CFAP53: variants seen among roughly 807,000 people sequenced by gnomAD.
The protein encoded by CFAP53 is cilia and flagella associated protein 53.
Under a neutral mutation model 59.7 loss-of-function variants are expected in CFAP53, and 62 were observed. The ratio of observed to expected loss-of-function variants is 1.04; its 90% CI spans 0.85 to 1.28. The LOEUF is 1.28. Among genes scored for constraint, CFAP53 ranks in the 50% most tolerant of loss-of-function variants. CFAP53 has a pLI of 0.00. For missense variants in CFAP53, 629 were observed against 615.6 expected (o/e 1.02, Z -0.23); for synonymous variants, 218 against 205.7 (o/e 1.06, Z -0.51).
chr18:50,263,303 C>T (rs369574021), intron 1 of CFAP53, among the ~76,000 whole-genome samples: 1 of 152,194 alleles, frequency 6.6e-6, no homozygotes, highest in South Asian at 2.1e-4. Context: ...AGAAACAAAA[C>T]TCTTAAGAGA....
intron 6 of CFAP53, among the ~76,000 whole-genome samples, chr18:50,242,138 C>A (rs1411475845): frequency 6.6e-6 from 1 of 152,176 alleles, no homozygotes; most frequent in Non-Finnish European, 1.5e-5. Context: ...GGCAGTCAGA[C>A]CTTATGGTTA....
chr18:50,239,424 A>C (rs898536599), intron 6 of CFAP53, among the ~76,000 whole-genome samples: 1 of 152,224 alleles, frequency 6.6e-6, no homozygotes, highest in Admixed American at 6.5e-5. Context: ...TAGAAAAAAA[A>C]GACAAAGGAA....
chr18:50,261,222 T>C lies in CFAP53; in HGVS notation c.315A>G (p.Leu105=), dbSNP rs915172387. The C allele has an allele frequency of 4.7e-6, 6 of 1,288,632 alleles. No homozygotes were observed. Among genetic ancestry groups the C allele is most frequent in the South Asian group, 3.7e-5 (2 of 54,238 alleles). 79.8% of individuals were successfully genotyped at this position (1,288,632 alleles called of 1,614,324 possible). The change falls in exon 3 of 8, where the codon TTA becomes TTG. Residue 105 remains leucine, a synonymous_variant. Coordinates refer to ENST00000398545, the MANE Select transcript of CFAP53 (RefSeq NM_145020.5). The part of the protein sequence containing the change: ...EERRNKLREL[L]ALEENEYFTE... ...TAAAATACTCATTTTCTTCTAATGC[T>C]AAAAGCTCACGTAGCCTGAAACAAA...
At chr18:50,245,381 T>A (rs1432602279) in intron 5 of CFAP53, among the ~76,000 whole-genome samples, 11 of 78,076 alleles carry the variant, frequency 1.4e-4, no homozygotes, top group Non-Finnish European at 2.1e-4. Flanking sequence ...AGAGCGAGAC[T>A]CCGTCTCAAA....
chr18:50,244,890 G>A (rs577575263), intron 5 of CFAP53, among the ~76,000 whole-genome samples: 61 of 151,520 alleles, frequency 4.0e-4, no homozygotes, highest in African/African-American at 1.4e-3. Context: ...GTAAAACCCC[G>A]TCTCTACTAA....
intron 6 of CFAP53, among the ~76,000 whole-genome samples, chr18:50,240,635 T>TTTCCTCGTGGCACTGATTGTCTATTTC (rs1692522557): frequency 6.6e-6 from 1 of 152,226 alleles, no homozygotes; most frequent in South Asian, 2.1e-4. Flanking sequence ...TGTGCTGACT[T>TTTCCTCGTGGCACTGATTGTCTATTTC]TTCCTCGTGG....
At chr18:50,247,061 T>A (rs965380358) in intron 5 of CFAP53, among the ~76,000 whole-genome samples, 3 of 150,842 alleles carry the variant, frequency 2.0e-5, no homozygotes, top group Non-Finnish European at 4.4e-5. Flanking sequence ...AAAAAAGAAC[T>A]CTTACAATTC....
intron 7 of CFAP53, among the ~76,000 whole-genome samples, chr18:50,237,469 G>A (rs1050105678): frequency 6.7e-6 from 1 of 149,046 alleles, no homozygotes; most frequent in Non-Finnish European, 1.5e-5. Context: ...CAGAACGGTA[G>A]GCCAGATGTT....
At chr18:50,238,887 T>C (rs1490164818) in intron 6 of CFAP53, among the ~76,000 whole-genome samples, 182 bp from the exon 7 acceptor site, 3 of 152,120 alleles carry the variant, frequency 2.0e-5, no homozygotes, top group Non-Finnish European at 4.4e-5. Flanking sequence ...TAGGCTCATA[T>C]ATGCTACAAT....
chr18:50,236,137 C>T (rs1383037648), intron 7 of CFAP53, among the ~76,000 whole-genome samples: 1 of 152,116 alleles, frequency 6.6e-6, no homozygotes, highest in Non-Finnish European at 1.5e-5. Context: ...CATCAAACAC[C>T]TCGGCTGACA....
intron 1 of CFAP53, among the ~76,000 whole-genome samples, chr18:50,263,290 C>T (rs1485049912): frequency 6.6e-6 from 1 of 152,118 alleles, no homozygotes; most frequent in Non-Finnish European, 1.5e-5. Context: ...GGTGCTGATT[C>T]ACAGAAACAA....
At chr18:50,265,593 G>T (rs1378817014) in intron 1 of CFAP53, among the ~76,000 whole-genome samples, 1 of 152,160 alleles carries the variant, frequency 6.6e-6, no homozygotes, top group Non-Finnish European at 1.5e-5. Context: ...ACAATACTGC[G>T]CACACAGCAG....
At chr18:50,236,067 C>T (rs891706759) in intron 7 of CFAP53, among the ~76,000 whole-genome samples, 2 of 152,212 alleles carry the variant, frequency 1.3e-5, no homozygotes, top group African/African-American at 4.8e-5. Context: ...TACAGCCCTC[C>T]TGTGCAGATA....
chr18:50,262,782 C>T (rs180958800), intron 1 of CFAP53, among the ~76,000 whole-genome samples: 35 of 151,428 alleles, frequency 2.3e-4, no homozygotes, highest in Admixed American at 1.8e-3. Context: ...GGATATATAA[C>T]GAGTTGTGAT....
chr18:50,248,268 T>C (rs1365837542), intron 5 of CFAP53, among the ~76,000 whole-genome samples: 1 of 151,914 alleles, frequency 6.6e-6, no homozygotes, highest in Non-Finnish European at 1.5e-5. Context: ...TAAACCACAA[T>C]GAGATGTTAC....
intron 7 of CFAP53, among the ~76,000 whole-genome samples, chr18:50,238,355 C>G (rs1469604878): frequency 6.6e-6 from 1 of 152,184 alleles, no homozygotes; most frequent in Non-Finnish European, 1.5e-5. Context: ...CTCAAGTGAT[C>G]TTCCACTTCA....
intron 1 of CFAP53, 99 bp downstream of exon 1, chr18:50,266,237 G>C: frequency 8.7e-7 from 1 of 1,149,540 alleles, no homozygotes; most frequent in Non-Finnish European, 1.3e-6. Context: ...CGTTCCCCTC[G>C]AGAAGGCCCC....
chr18:50,243,225 T>G (rs573972963), intron 5 of CFAP53, 109 bp from the exon 6 acceptor site: 1 of 730,464 alleles, frequency 1.4e-6, no homozygotes, highest in South Asian at 1.8e-5. Flanking sequence ...TTTAGAACTA[T>G]GTACTGAAAC....
chr18:50,260,033 C>T (rs2033876882), intron 3 of CFAP53, among the ~76,000 whole-genome samples: 1 of 152,182 alleles, frequency 6.6e-6, no homozygotes, highest in South Asian at 2.1e-4. Flanking sequence ...GTTTGTGAAA[C>T]TAAAAGCATC....
Sources: allele counts gnomAD v4.1 joint callset (sites outside exome capture counted in the v4.1 genomes callset), GRCh38; gene constraint gnomAD v4.1.1; transcripts MANE v1.5; gene names NCBI Gene and HGNC (gene_info 2026-07-23, HGNC 2026-07-21).